Variants in FAM13A observed in about 807,000 individuals in gnomAD.
FAM13A encodes family with sequence similarity 13 member A.
Under a neutral mutation model 129.6 loss-of-function variants are expected in FAM13A, and 76 were observed. That is an observed-to-expected ratio of 0.59 (90% confidence interval 0.49 to 0.71). The LOEUF is 0.71. Among genes scored for constraint, FAM13A ranks in the 30% least tolerant of loss-of-function variants. The pLI is 0.00. For missense variants in FAM13A, 1,108 were observed against 1,249.3 expected, an observed-to-expected ratio of 0.89 and a Z score of 1.70; for synonymous variants, 443 against 449.9, an observed-to-expected ratio of 0.98 and a Z score of 0.20.
At chr4:88,797,893 A>G (rs1304432635) in intron 8 of FAM13A, among the ~76,000 whole-genome samples, 2 of 152,198 alleles carry the variant, frequency 1.3e-5, no homozygotes, top group Non-Finnish European at 1.5e-5. Flanking sequence ...ATAAAAATCA[A>G]TTCTCTAGAT....
At chr4:88,883,207 T>C (rs901020231) in intron 6 of FAM13A, among the ~76,000 whole-genome samples, 1 of 152,100 alleles carries the variant, frequency 6.6e-6, no homozygotes, top group Non-Finnish European at 1.5e-5. Flanking sequence ...AACTAGAGAA[T>C]ATACATTCTA....
At chr4:88,879,004 T>G (rs1286105171) in intron 6 of FAM13A, among the ~76,000 whole-genome samples, 1 of 152,224 alleles carries the variant, frequency 6.6e-6, no homozygotes, top group Admixed American at 6.5e-5. Flanking sequence ...GAAACTATAT[T>G]CTAAACAGCA....
chr4:88,731,308 G>C lies in FAM13A; in HGVS notation c.2945+19C>G. The C allele has an allele frequency of 7.0e-7, 1 of 1,422,824 alleles. No homozygotes were observed. The highest frequency in any genetic ancestry group is 1.2e-5 in the South Asian group (1 of 86,102). 88.1% of individuals were successfully genotyped at this position (1,422,824 alleles called of 1,614,324 possible). ...GGTGCGGCGGGGGGGAAGGGAGGGT[G>C]GGGGAAGACAGGCACTACCTTCCAT... On this transcript the variant is annotated intron_variant, in intron 23 of 23. Transcript: ENST00000264344.
intron 21 of FAM13A, 112 bp downstream of exon 21, chr4:88,737,360 G>A: frequency 1.2e-6 from 1 of 855,522 alleles, no homozygotes; most frequent in Non-Finnish European, 2.0e-6. Context: ...AATGCTGTAA[G>A]AAGCCACCAC....
At chr4:88,904,494 T>C (rs1450147356) in intron 6 of FAM13A, among the ~76,000 whole-genome samples, 2 of 152,170 alleles carry the variant, frequency 1.3e-5, no homozygotes, top group Non-Finnish European at 2.9e-5. Context: ...GAAACCGTTA[T>C]TCTCAGCAAA....
intron 4 of FAM13A, among the ~76,000 whole-genome samples, chr4:88,973,121 C>G (rs1216517745): frequency 1.4e-5 from 2 of 143,680 alleles, no homozygotes; most frequent in Non-Finnish European, 1.5e-5. Flanking sequence ...AAATGACAAG[C>G]CTAGGCATAA....
chr4:88,813,146 C>T (rs530117375), intron 7 of FAM13A, among the ~76,000 whole-genome samples: 17 of 152,168 alleles, frequency 1.1e-4, no homozygotes, highest in Admixed American at 2.6e-4. Flanking sequence ...ATGATATGTT[C>T]GGGCAAGGTA....
At chr4:88,767,160 A>G (rs1490084384) in intron 13 of FAM13A, among the ~76,000 whole-genome samples, 1 of 152,234 alleles carries the variant, frequency 6.6e-6, no homozygotes, top group East Asian at 1.9e-4. Flanking sequence ...CTCAAAGTGA[A>G]TTTTTGTTAA....
chr4:88,777,442 C>T (rs1260350899), intron 11 of FAM13A, among the ~76,000 whole-genome samples: 2 of 152,056 alleles, frequency 1.3e-5, no homozygotes, highest in African/African-American at 2.4e-5. Flanking sequence ...AGGAAGGGCA[C>T]AGGTATGAGC....
chr4:88,903,030 G>C (rs2150216825), intron 6 of FAM13A, among the ~76,000 whole-genome samples: 1 of 152,206 alleles, frequency 6.6e-6, no homozygotes, highest in Middle Eastern at 3.4e-3. Flanking sequence ...AAAATTGCTA[G>C]AAATACAGCT....
intron 4 of FAM13A, among the ~76,000 whole-genome samples, chr4:88,950,957 A>T (rs1756851838): frequency 6.6e-6 from 1 of 152,182 alleles, no homozygotes; most frequent in African/African-American, 2.4e-5. Flanking sequence ...CATTAGATAG[A>T]GCAACTAAAA....
chr4:88,889,308 G>A (rs1744971243), intron 6 of FAM13A, among the ~76,000 whole-genome samples: 1 of 152,012 alleles, frequency 6.6e-6, no homozygotes, highest in Non-Finnish European at 1.5e-5. Context: ...TGGAGGGAGG[G>A]ACAGGCAATT....
At chr4:89,025,146 C>T (rs2149119009) in intron 2 of FAM13A, among the ~76,000 whole-genome samples, 1 of 151,650 alleles carries the variant, frequency 6.6e-6, no homozygotes, top group Non-Finnish European at 1.5e-5. Context: ...ATGCACATAT[C>T]CTCTGACCAT....
intron 7 of FAM13A, among the ~76,000 whole-genome samples, chr4:88,849,239 G>C (rs1737156545): frequency 1.3e-5 from 2 of 152,118 alleles, no homozygotes; most frequent in African/African-American, 4.8e-5. Flanking sequence ...CATATAACTA[G>C]ATTTCAATAA....
rs1238251105 is a variant in FAM13A, at chr4:88,886,594, GA to G, written c.843+19784del. ...CAAGAGTGAGACTCCATCTTAAAAA[GA>G]AAAAAAAAAGAAAGAAATTATGGTA... On this transcript the variant is annotated intron_variant, in intron 6 of 23. Transcript: ENST00000264344. Among the ~76,000 whole-genome samples the G allele has an allele frequency of 5.7e-5, 8 of 141,068 alleles. No homozygotes were observed. The East Asian group carries it at 6.3e-4, about 11-fold the overall frequency. 92.5% of individuals were successfully genotyped at this position (141,068 alleles called of 152,430 possible).
chr4:88,936,904 C>T (rs1753944718), intron 5 of FAM13A: 1 of 152,122 alleles, frequency 6.6e-6, no homozygotes, highest in Non-Finnish European at 1.5e-5. Flanking sequence ...TACCTTTTAA[C>T]ATTTTAAAAA....
rs933042484 is a variant in FAM13A, at chr4:88,746,923, A to G, written c.2466+9T>C. 3 of 1,596,446 alleles carry G rather than the reference A, an allele frequency of 1.9e-6. No individual in the cohort carries two copies. The highest frequency in any genetic ancestry group is 8.6e-7 in the Non-Finnish European group (1 of 1,164,214). ...TGACCCCAATCAGAAAATTTACTACATCACATACCGGCCGTCCATGAATGC... is the reference window on the plus strand; with the variant it reads ...TGACCCCAATCAGAAAATTTACTACGTCACATACCGGCCGTCCATGAATGC... On this transcript the variant is annotated intron_variant, in intron 19 of 23. Transcript: ENST00000264344.
intron 19 of FAM13A, among the ~76,000 whole-genome samples, chr4:88,746,712 A>G (rs1230632080): frequency 6.6e-6 from 1 of 152,162 alleles, no homozygotes; most frequent in African/African-American, 2.4e-5. Flanking sequence ...CCAATTTTTC[A>G]TTGGAACCCA....
intron 3 of FAM13A, among the ~76,000 whole-genome samples, chr4:89,006,026 T>G (rs75861991): frequency 1.7e-4 from 24 of 141,680 alleles, no homozygotes; most frequent in African/African-American, 6.1e-4. Context: ...GTCTTCCAGG[T>G]TTTTATAGTT....
Sources: gnomAD v4.1 joint callset for allele counts (sites outside exome capture counted in the v4.1 genomes callset) on GRCh38, gnomAD v4.1.1 for gene constraint, MANE v1.5 for transcripts, NCBI Gene and HGNC (gene_info 2026-07-23, HGNC 2026-07-21) for gene names.